TLK1: variants seen among roughly 807,000 people sequenced by gnomAD.
The protein encoded by TLK1 is tousled like kinase 1.
TLK1 carries 24 observed loss-of-function variants against 105.3 expected under a neutral mutation model. The ratio of observed to expected loss-of-function variants is 0.23; its 90% CI spans 0.17 to 0.32. TLK1 has a LOEUF of 0.32. TLK1 is among the 10% of genes least tolerant of loss of function. TLK1 has a pLI of 1.00. For missense variants in TLK1, 558 were observed against 910.5 expected, an observed-to-expected ratio of 0.61 and a Z score of 4.98; for synonymous variants, 321 against 310.4, an observed-to-expected ratio of 1.03 and a Z score of -0.36.
chr2:171,151,946 G>A (rs1692057855), intron 1 of TLK1, among the ~76,000 whole-genome samples: 1 of 152,042 alleles, frequency 6.6e-6, no homozygotes, highest in Non-Finnish European at 1.5e-5. Flanking sequence ...ATCAAAAAAG[G>A]AAAAAAGTAA....
chr2:171,065,595 C>T (rs181526256), intron 3 of TLK1, among the ~76,000 whole-genome samples: 28 of 151,130 alleles, frequency 1.9e-4, no homozygotes, highest in Non-Finnish European at 3.7e-4. Context: ...TGGAGTGCAG[C>T]GGCGCAATCT....
chr2:171,209,176 T>C (rs1392228527), intron 1 of TLK1, among the ~76,000 whole-genome samples: 1 of 152,124 alleles, frequency 6.6e-6, no homozygotes, highest in East Asian at 1.9e-4. Flanking sequence ...GTAGGGGAAA[T>C]AAGAGCATGT....
At chr2:171,143,358 A>G (rs1200919174) in intron 1 of TLK1, among the ~76,000 whole-genome samples, 1 of 150,846 alleles carries the variant, frequency 6.6e-6, no homozygotes. Context: ...ACAAAAAGTT[A>G]GCTGGGTGTG....
chr2:171,006,385 A>T lies in TLK1; in HGVS notation c.1768+89T>A, dbSNP rs1296878555. On this transcript the variant is annotated intron_variant, in intron 17 of 20. Coordinates refer to ENST00000431350, the MANE Select transcript of TLK1 (RefSeq NM_012290.5). ...ATTTTACTGATGTCTTACAAGAGAA[A>T]CCAAAAAACATGTTTTCAGATAACT... The T allele has an allele frequency of 8.8e-6, 13 of 1,484,154 alleles. No homozygotes were observed. The African/African-American group carries it at 1.7e-4, about 19-fold the overall frequency. The allele number at this position is 1,484,154 out of a possible 1,614,324, so 91.9% of individuals were successfully genotyped here. A position where few individuals can be genotyped will look rare whatever the true frequency, so the allele number is the denominator to read the frequency against.
rs1416448553 is a variant in TLK1 at position 171,082,686 on chromosome 2, T to C, written c.330+95A>G. ...TAAGAAACTTTAAAAGCATTAACCT[T>C]TAGCAAAAGAACTGATGAAGAAACA... On this transcript the variant is annotated intron_variant, in intron 3 of 20. Transcript: ENST00000431350. 1.0e-5 allele frequency: 10 copies of C among 999,838 alleles called. No individual in the cohort carries two copies. In the South Asian group the frequency reaches 1.3e-4, roughly 13 times the overall value. The allele number at this position is 999,838 out of a possible 1,614,324, so 61.9% of individuals were successfully genotyped here. A position where few individuals can be genotyped will look rare whatever the true frequency, so the allele number is the denominator to read the frequency against.
At chr2:171,033,926 CAACA>C (rs953586040) in intron 11 of TLK1, among the ~76,000 whole-genome samples, 6 of 136,450 alleles carry the variant, frequency 4.4e-5, no homozygotes, top group South Asian at 4.7e-4. Flanking sequence ...AACAACAAAA[CAACA>C]AACAGTCTGG....
At chr2:171,151,236 C>G (rs1390750492) in intron 1 of TLK1, among the ~76,000 whole-genome samples, 1 of 151,946 alleles carries the variant, frequency 6.6e-6, no homozygotes, top group Non-Finnish European at 1.5e-5. Context: ...CCAGGCTGGT[C>G]TCGAACTCCT....
At chr2:171,210,821 T>C (rs766156456) in intron 1 of TLK1, among the ~76,000 whole-genome samples, 5 of 152,204 alleles carry the variant, frequency 3.3e-5, no homozygotes, top group Non-Finnish European at 7.3e-5. Context: ...CCGTGAAATG[T>C]TGAGAAGAAA....
At chr2:171,085,351 T>C (rs529849100) in intron 2 of TLK1, among the ~76,000 whole-genome samples, 40 of 151,462 alleles carry the variant, frequency 2.6e-4, no homozygotes, top group African/African-American at 9.4e-4. Context: ...GATCACACCA[T>C]TGCACTCCAG....
chr2:171,116,256 C>T (rs56934523), intron 2 of TLK1, among the ~76,000 whole-genome samples: 17,209 of 151,968 alleles, frequency 0.11, 1,531 homozygotes, highest in African/African-American at 0.24. Context: ...AAGTTACTTA[C>T]GATGTATGAA....
intron 3 of TLK1, among the ~76,000 whole-genome samples, chr2:171,064,333 T>C (rs1051239312): frequency 6.6e-6 from 1 of 152,160 alleles, no homozygotes; most frequent in African/African-American, 2.4e-5. Context: ...ACACAGCATC[T>C]CCTATTTTAA....
chr2:171,069,466 C>T (rs1020799717), intron 3 of TLK1, among the ~76,000 whole-genome samples: 2 of 152,112 alleles, frequency 1.3e-5, no homozygotes, highest in African/African-American at 2.4e-5. Context: ...TTGGCAATAC[C>T]TAGAGGCATT....
chr2:171,056,697 CA>C (rs3083754), intron 5 of TLK1, 131 bp from the exon 6 acceptor site: 11,839 of 406,370 alleles, frequency 0.029, 7 homozygotes, highest in East Asian at 0.048. Context: ...GGGTCCAGAA[CA>C]AAAAAAAAAA....
At chr2:171,156,124 G>A (rs1033185218) in intron 1 of TLK1, among the ~76,000 whole-genome samples, 2 of 152,100 alleles carry the variant, frequency 1.3e-5, no homozygotes, top group Non-Finnish European at 2.9e-5. Flanking sequence ...GAATTTTGAT[G>A]TAATACCAAA....
At chr2:171,139,449 T>G (rs1691477454) in intron 1 of TLK1, among the ~76,000 whole-genome samples, 1 of 151,614 alleles carries the variant, frequency 6.6e-6, no homozygotes, top group African/African-American at 2.4e-5. Context: ...GATTCAAAAA[T>G]TAGCTGGGCA....
intron 14 of TLK1, among the ~76,000 whole-genome samples, chr2:171,009,570 G>C (rs1559339210): frequency 1.3e-5 from 2 of 152,068 alleles, no homozygotes; most frequent in African/African-American, 2.4e-5. Flanking sequence ...GCCCCACCAA[G>C]TGCTAGGATT....
rs1320858070 is a variant in TLK1 at position 171,160,554 on chromosome 2, A to G, written c.-126T>C. On this transcript the variant is annotated 5_prime_UTR_variant, in exon 1 of 21. Transcript: ENST00000431350. This position sits in a 1 kb window ranked among gnomAD's most constrained non-coding sequence, Gnocchi z 4.4. ...GCGAGAGAGCGAGGGCTGGGAGGGG[A>G]GAGTCAAGGGGATGGGGGAGGAAAC... 3.0e-6 allele frequency: 4 copies of G among 1,339,772 alleles called. No homozygotes were observed. Among genetic ancestry groups the G allele is most frequent in the African/African-American group, 1.7e-5 (1 of 60,240 alleles). The allele number at this position is 1,339,772 out of a possible 1,614,324, so 83.0% of individuals were successfully genotyped here.
intron 4 of TLK1, among the ~76,000 whole-genome samples, chr2:171,059,759 C>T (rs140997260): frequency 7.9e-5 from 12 of 152,252 alleles, no homozygotes; most frequent in African/African-American, 2.6e-4. Flanking sequence ...GAAACGGTTC[C>T]ACCTCAGATC....
At chr2:171,067,613 CT>C (rs146506132) in intron 3 of TLK1, among the ~76,000 whole-genome samples, 3 of 151,408 alleles carry the variant, frequency 2.0e-5, no homozygotes, top group African/African-American at 4.9e-5. Context: ...ACCAATACAA[CT>C]TTTTTTTTAT....
Sources: gnomAD v4.1 joint callset for allele counts (sites outside exome capture counted in the v4.1 genomes callset) on GRCh38, gnomAD v4.1.1 for gene constraint, Gnocchi (gnomAD v3.1) non-coding constraint, MANE v1.5 for transcripts, NCBI Gene and HGNC (gene_info 2026-07-23, HGNC 2026-07-21) for gene names.